RAB4A: variants seen among roughly 807,000 people sequenced by gnomAD.
RAB4A encodes RAB4A, member RAS oncogene family, also known as ras-related protein Rab-4A.
RAB4A carries 20 observed loss-of-function variants against 34.5 expected under a neutral mutation model. The observed-to-expected ratio is 0.58, with a 90% CI of 0.41 to 0.84. The LOEUF (loss-of-function observed/expected upper bound fraction) is 0.84. Ranked by LOEUF, RAB4A falls within the 40% of genes least tolerant of loss-of-function variation. RAB4A has a pLI of 0.00. For synonymous variants in RAB4A, 102 were observed against 100.0 expected, an observed-to-expected ratio of 1.02 and a Z score of -0.12; for missense variants, 228 against 274.5, an observed-to-expected ratio of 0.83 and a Z score of 1.20.
chr1:229,298,294 A>G (rs908135022), intron 5 of RAB4A, among the ~76,000 whole-genome samples: 1 of 152,238 alleles, frequency 6.6e-6, no homozygotes, highest in Non-Finnish European at 1.5e-5. Flanking sequence ...TAAGAAAATA[A>G]ACATGAGAGA....
At chr1:229,296,637 A>G (rs1657258079) in intron 4 of RAB4A, among the ~76,000 whole-genome samples, 1 of 152,182 alleles carries the variant, frequency 6.6e-6, no homozygotes, top group Non-Finnish European at 1.5e-5. Flanking sequence ...TGTCTTAGAA[A>G]TGTGTCATCT....
intron 1 of RAB4A, among the ~76,000 whole-genome samples, chr1:229,277,786 T>C (rs1403023998): frequency 6.6e-6 from 1 of 151,332 alleles, no homozygotes; most frequent in Non-Finnish European, 1.5e-5. Flanking sequence ...CCCTGGACTT[T>C]GTCACCTATC....
intron 3 of RAB4A, among the ~76,000 whole-genome samples, chr1:229,291,453 G>A (rs1428943025): frequency 6.6e-6 from 1 of 152,156 alleles, no homozygotes; most frequent in Admixed American, 6.5e-5. Context: ...GCCCTTCCAG[G>A]AGGACCAGGG....
chr1:229,293,218 G>A (rs1657140593), intron 3 of RAB4A, among the ~76,000 whole-genome samples: 2 of 152,214 alleles, frequency 1.3e-5, no homozygotes. Context: ...CAGCCCAGGA[G>A]CTCTCTGACC....
chr1:229,286,724 TTTA>T (rs1656932953), intron 2 of RAB4A, among the ~76,000 whole-genome samples, 158 bp downstream of exon 2: 1 of 152,242 alleles, frequency 6.6e-6, no homozygotes, highest in Admixed American at 6.5e-5. Flanking sequence ...GATGTGATTT[TTTA>T]TTAAGTTAGC....
rs947661918 is a variant in RAB4A at position 229,305,388 on chromosome 1, G to A, written c.*1595G>A. ...AACACATCAGCTTATTCAAAAGCAA[G>A]AATTTTAAAAATAAGATAAATGTAA... On this transcript the variant is annotated 3_prime_UTR_variant, in exon 8 of 8. Coordinates refer to ENST00000366690, the MANE Select transcript of RAB4A (RefSeq NM_004578.4). The A allele has an allele frequency of 1.8e-6, 2 of 1,129,446 alleles. No individual in the cohort carries two copies. Among genetic ancestry groups the A allele is most frequent in the African/African-American group, 3.2e-5 (2 of 62,040 alleles). 70.0% of individuals were successfully genotyped at this position (1,129,446 alleles called of 1,614,324 possible).
intron 5 of RAB4A, 150 bp downstream of exon 5, chr1:229,297,786 C>A: frequency 1.1e-6 from 1 of 901,236 alleles, no homozygotes; most frequent in Non-Finnish European, 1.6e-6. Context: ...ATAAATTAGA[C>A]CTATTAAGCA....
In RAB4A at chr1:229,288,790, T is replaced by C. The variant is rs751660536; in HGVS notation, c.174T>C (p.Gly58=). The C allele has an allele frequency of 6.3e-7, 1 of 1,598,640 alleles. No individual in the cohort carries two copies. The highest frequency in any genetic ancestry group is 2.2e-5 in the East Asian group (1 of 44,702). ...VEFGSKIINV[G]GKYVKLQIWD... ...TTGGTTCAAAGATAATAAATGTTGG[T>C]GGTAAATATGTAAAGTTACAAATAT... Residue 58 remains glycine (G), a synonymous_variant, in exon 3 of 8, where the codon GGT becomes GGC. Transcript: ENST00000366690.
At chr1:229,279,654 A>G (rs765573474) in intron 1 of RAB4A, among the ~76,000 whole-genome samples, 2 of 152,196 alleles carry the variant, frequency 1.3e-5, no homozygotes, top group African/African-American at 2.4e-5. Context: ...TGAATGGCTG[A>G]CATTTGCTCA....
intron 1 of RAB4A, among the ~76,000 whole-genome samples, chr1:229,278,464 C>G (rs1656704020): frequency 6.6e-6 from 1 of 152,198 alleles, no homozygotes; most frequent in Admixed American, 6.5e-5. Context: ...TCCTCAAGCC[C>G]ATTCTCTCAC....
chr1:229,276,826 C>T lies in RAB4A; in HGVS notation c.31+5456C>T, dbSNP rs572693019. 7.3e-5 allele frequency among the ~76,000 whole-genome samples: 11 copies of T among 150,984 alleles called. 1 individual carries two copies. The East Asian group carries it at 1.9e-3, about 27-fold the overall frequency. The stretch of plus-strand genomic sequence containing the variant: ...ATTCCAAAGTTCTTCGTCGTAGTGA[C>T]TTGAGCAGCTGTGCTGACTATCTTA... On this transcript the variant is annotated intron_variant, in intron 1 of 7. Coordinates refer to ENST00000366690, the MANE Select transcript of RAB4A (RefSeq NM_004578.4).
At chr1:229,303,161 C>G (rs1268118087) in intron 7 of RAB4A, among the ~76,000 whole-genome samples, 172 bp downstream of exon 7, 1 of 151,948 alleles carries the variant, frequency 6.6e-6, no homozygotes, top group Non-Finnish European at 1.5e-5. Context: ...TTCAGGAGTT[C>G]GAGACCAGCC....
chr1:229,294,484 A>G (rs888527352), intron 3 of RAB4A, among the ~76,000 whole-genome samples: 6 of 152,220 alleles, frequency 3.9e-5, no homozygotes, highest in African/African-American at 1.4e-4. Flanking sequence ...GGAGTAGCAG[A>G]GATGGACACT....
chr1:229,293,377 G>A (rs988420313), intron 3 of RAB4A, among the ~76,000 whole-genome samples: 7 of 152,168 alleles, frequency 4.6e-5, no homozygotes, highest in Admixed American at 2.0e-4. Flanking sequence ...CTCCTCACTC[G>A]GTGAGGGCTC....
intron 1 of RAB4A, among the ~76,000 whole-genome samples, chr1:229,273,406 C>T (rs866267291): frequency 6.6e-6 from 1 of 152,122 alleles, no homozygotes; most frequent in African/African-American, 2.4e-5. Context: ...ATCTTTTCTT[C>T]TAATAGAGGA....
At chr1:229,276,132 C>T (rs1426316101) in intron 1 of RAB4A, among the ~76,000 whole-genome samples, 3 of 151,272 alleles carry the variant, frequency 2.0e-5, no homozygotes, top group African/African-American at 2.5e-5. Flanking sequence ...TTTTCTTTTT[C>T]TCATTCACTG....
chr1:229,292,257 A>G (rs1179918269), intron 3 of RAB4A, among the ~76,000 whole-genome samples: 1 of 152,136 alleles, frequency 6.6e-6, no homozygotes, highest in Admixed American at 6.5e-5. Context: ...AGAAAATTTA[A>G]CACCTCAAAG....
At chr1:229,286,155 C>G (rs237762) in intron 1 of RAB4A, among the ~76,000 whole-genome samples, 37,294 of 152,204 alleles carry the variant, frequency 0.25, 5,237 homozygotes, top group African/African-American at 0.39. Context: ...TCTAAACTAA[C>G]TTTGCTGCCA....
Position 229,284,103 on chromosome 1 carries a change from T to G in RAB4A, c.32-2383T>G, listed in dbSNP as rs1375046230. 2.8e-4 allele frequency among the ~76,000 whole-genome samples: 39 copies of G among 140,886 alleles called. 1 individual carries two copies. Among genetic ancestry groups the G allele is most frequent in the African/African-American group, 1.0e-3 (38 of 37,694 alleles). 92.4% of individuals were successfully genotyped at this position (140,886 alleles called of 152,430 possible). A position where few individuals can be genotyped will look rare whatever the true frequency, so the allele number is the denominator to read the frequency against. On this transcript the variant is annotated intron_variant, in intron 1 of 7. Transcript: ENST00000366690. ...TTGTTGGTGTTGTTTGGTTTTTTTT[T>G]TTTTTTTTTTTTTTTGGACTGAGTT...
Sources: gnomAD v4.1 joint callset for allele counts (sites outside exome capture counted in the v4.1 genomes callset) on GRCh38, gnomAD v4.1.1 for gene constraint, MANE v1.5 for transcripts, NCBI Gene and HGNC (gene_info 2026-07-23, HGNC 2026-07-21) for gene names.